ABCC8: variants seen among roughly 807,000 people sequenced by gnomAD.
ABCC8 encodes the protein ATP-binding cassette sub-family C member 8.
Under a neutral mutation model 188.0 loss-of-function variants are expected in ABCC8, and 137 were observed. The observed-to-expected ratio is 0.73, with a 90% CI of 0.63 to 0.84. The LOEUF is 0.84. ABCC8 is among the 40% of genes least tolerant of loss of function. The probability of loss-of-function intolerance (pLI) is 0.00; values close to 1 mark genes in which losing one functional copy is unlikely to be tolerated. For missense variants in ABCC8, 1,750 were observed against 2,072.7 expected, an observed-to-expected ratio of 0.84 and a Z score of 3.02; for synonymous variants, 797 against 846.5, an observed-to-expected ratio of 0.94 and a Z score of 1.01.
At chr11:17,405,427 C>G in intron 27 of ABCC8, 67 bp downstream of exon 27, 1 of 1,610,290 alleles carries the variant, frequency 6.2e-7, no homozygotes, top group Non-Finnish European at 8.5e-7. Flanking sequence ...CAGCCTCAGA[C>G]AGGAGAAGCC....
chr11:17,426,631 A>G (rs1344747907), intron 16 of ABCC8, among the ~76,000 whole-genome samples: 1 of 152,128 alleles, frequency 6.6e-6, no homozygotes, highest in Non-Finnish European at 1.5e-5. Context: ...GCTGGAAACC[A>G]ATGTTGGTGT....
At chr11:17,421,871 T>A (rs1014683790) in intron 16 of ABCC8, among the ~76,000 whole-genome samples, 1 of 152,196 alleles carries the variant, frequency 6.6e-6, no homozygotes, top group Admixed American at 6.5e-5. Context: ...TTCTCCATTC[T>A]ACACCTCCTA....
rs1953699423 is a variant in ABCC8, at chr11:17,392,921, TAC to T, written c.*68_*69del. The T allele has an allele frequency of 1.4e-5, 21 of 1,526,170 alleles. No homozygotes were observed. Among genetic ancestry groups the T allele is most frequent in the Non-Finnish European group, 1.8e-5 (20 of 1,103,180 alleles). 94.5% of individuals were successfully genotyped at this position (1,526,170 alleles called of 1,614,324 possible). ...CAAATCTATTTATTTACAAGTGATT[TAC>T]AGTTAGAAAACCCAGGCAGGGGTAT... On this transcript the variant is annotated 3_prime_UTR_variant, in exon 39 of 39. Transcript: ENST00000389817.
intron 10 of ABCC8, among the ~76,000 whole-genome samples, chr11:17,441,394 C>G (rs995192782): frequency 6.6e-6 from 1 of 152,216 alleles, no homozygotes; most frequent in African/African-American, 2.4e-5. Context: ...TACCAACTTA[C>G]TCTCCTTGCC....
intron 16 of ABCC8, among the ~76,000 whole-genome samples, chr11:17,419,927 G>A (rs969982856): frequency 6.6e-6 from 1 of 152,228 alleles, no homozygotes; most frequent in Non-Finnish European, 1.5e-5. Context: ...AAATGGGGGT[G>A]AAGGCACAAA....
intron 10 of ABCC8, among the ~76,000 whole-genome samples, chr11:17,440,980 T>C (rs1956293347): frequency 6.6e-6 from 1 of 152,148 alleles, no homozygotes; most frequent in Non-Finnish European, 1.5e-5. Flanking sequence ...ACCGTCTCAT[T>C]CTCCATGAGA....
chr11:17,442,871 A>G lies in ABCC8; in HGVS notation c.1479T>C (p.Asn493=). The G allele has an allele frequency of 6.2e-7, 1 of 1,613,188 alleles. No individual in the cohort carries two copies. The highest frequency in any genetic ancestry group is 8.5e-7 in the Non-Finnish European group (1 of 1,180,022). The change falls in exon 10 of 39, where the codon AAT becomes AAC. Residue 493 remains asparagine (N), a synonymous_variant. Coordinates refer to ENST00000389817, the MANE Select transcript of ABCC8 (RefSeq NM_000352.6). ...QAQRSTLEYS[N]ERLKQTNEML... ...TCTCGTTGGTCTGCTTCAGCCGCTC[A>G]TTGGAATACTCCTGCAGGGGTCCCC... is the stretch of plus-strand genomic sequence containing the variant.
intron 7 of ABCC8, among the ~76,000 whole-genome samples, chr11:17,451,809 A>T (rs1956826145): frequency 6.6e-6 from 1 of 152,256 alleles, no homozygotes. Flanking sequence ...CTCTCTAGAT[A>T]CGGCCATTTG....
chr11:17,434,193 C>A (rs1210404289), intron 10 of ABCC8, among the ~76,000 whole-genome samples: 1 of 152,188 alleles, frequency 6.6e-6, no homozygotes, highest in Admixed American at 6.5e-5. Flanking sequence ...CTGGCCCATC[C>A]CCATAAATAA....
At chr11:17,416,791 T>C (rs1471868973) in intron 17 of ABCC8, 139 bp downstream of exon 17, 1 of 1,341,242 alleles carries the variant, frequency 7.5e-7, no homozygotes, top group African/African-American at 1.5e-5. Context: ...AATGCAGGCC[T>C]TAGCCCCATG....
At chr11:17,400,697 G>A (rs372241909) in intron 29 of ABCC8, among the ~76,000 whole-genome samples, 1 of 152,220 alleles carries the variant, frequency 6.6e-6, no homozygotes, top group East Asian at 1.9e-4. Flanking sequence ...GGCAAACCTG[G>A]GTTCCAAGCT....
chr11:17,476,235 G>T (rs1246824983), intron 1 of ABCC8, among the ~76,000 whole-genome samples: 3 of 152,252 alleles, frequency 2.0e-5, no homozygotes, highest in Non-Finnish European at 2.9e-5. Flanking sequence ...GGCTGACAGG[G>T]AGGCTGCCTT....
chr11:17,408,958 T>TTC (rs1490556495), intron 22 of ABCC8, among the ~76,000 whole-genome samples: 2 of 150,092 alleles, frequency 1.3e-5, no homozygotes, highest in Non-Finnish European at 3.0e-5. Context: ...AAATCTTTTT[T>TTC]TTTTTTTTTT....
At chr11:17,448,408 GC>G in intron 8 of ABCC8, 107 bp downstream of exon 8, 1 of 1,003,598 alleles carries the variant, frequency 1.0e-6, no homozygotes, top group South Asian at 1.3e-5. Context: ...AAAGGTACAG[GC>G]AAGCATGGAG....
chr11:17,432,104 T>C, intron 11 of ABCC8, 100 bp downstream of exon 11: 1 of 1,445,628 alleles, frequency 6.9e-7, no homozygotes, highest in Non-Finnish European at 9.5e-7. Context: ...GCCTGTCTTC[T>C]GAGGCCCCTG....
chr11:17,405,845 A>C (rs556661361), intron 26 of ABCC8, among the ~76,000 whole-genome samples: 101 of 152,268 alleles, frequency 6.6e-4, no homozygotes, highest in African/African-American at 2.4e-3. Context: ...TCCTCCTGGG[A>C]CACAGAGTCC....
intron 6 of ABCC8, among the ~76,000 whole-genome samples, chr11:17,456,538 G>C (rs1957003508): frequency 6.6e-6 from 1 of 152,194 alleles, no homozygotes; most frequent in African/African-American, 2.4e-5. Flanking sequence ...GTGTCAAAAG[G>C]TGAGTTGTCC....
intron 10 of ABCC8, 166 bp from the exon 11 acceptor site, chr11:17,432,410 C>T (rs1432587679): frequency 2.1e-6 from 3 of 1,415,856 alleles, no homozygotes; most frequent in South Asian, 1.4e-5. Flanking sequence ...TCCAGTTCCT[C>T]ACCCCATTTC....
chr11:17,456,718 C>A (rs544341718), intron 6 of ABCC8, among the ~76,000 whole-genome samples: 3 of 152,302 alleles, frequency 2.0e-5, no homozygotes, highest in Admixed American at 1.3e-4. Flanking sequence ...AGGTAAGTTC[C>A]TCAACCTCTC....
Sources: allele counts gnomAD v4.1 joint callset (sites outside exome capture counted in the v4.1 genomes callset), GRCh38; gene constraint gnomAD v4.1.1; transcripts MANE v1.5; gene names NCBI Gene and HGNC (gene_info 2026-07-23, HGNC 2026-07-21).